NOL4: variants seen among roughly 807,000 people sequenced by gnomAD.
NOL4 encodes the protein cancer/testis antigen 125.
NOL4 carries 17 observed loss-of-function variants against 75.9 expected under a neutral mutation model. That is an observed-to-expected ratio of 0.22 (90% confidence interval 0.15 to 0.34). The LOEUF is 0.34. Among genes scored for constraint, NOL4 ranks in the 10% least tolerant of loss-of-function variants. NOL4 has a pLI of 1.00. For synonymous variants in NOL4, 292 were observed against 289.9 expected (o/e 1.01, Z -0.07); for missense variants, 614 against 793.5 (o/e 0.77, Z 2.72).
intron 5 of NOL4, among the ~76,000 whole-genome samples, chr18:34,067,356 A>C (rs1414704899): frequency 2.6e-5 from 4 of 152,180 alleles, no homozygotes; most frequent in African/African-American, 9.6e-5. Flanking sequence ...ACAGGACTTT[A>C]AATTTTACAC....
chr18:33,887,711 T>A (rs1465662109), intron 9 of NOL4, among the ~76,000 whole-genome samples: 1 of 152,098 alleles, frequency 6.6e-6, no homozygotes, highest in African/African-American at 2.4e-5. Context: ...AGAATGATGG[T>A]TTCCAGCTTC....
intron 1 of NOL4, among the ~76,000 whole-genome samples, chr18:34,215,725 C>A (rs143940411): frequency 6.6e-6 from 1 of 152,046 alleles, no homozygotes; most frequent in African/African-American, 2.4e-5. Context: ...AATAGAAAAT[C>A]GAAAATACAG....
chr18:33,989,057 C>T (rs1160355890), intron 6 of NOL4, among the ~76,000 whole-genome samples: 3 of 151,348 alleles, frequency 2.0e-5, no homozygotes, highest in Non-Finnish European at 4.4e-5. Context: ...TATAGTGGTG[C>T]ACACCTGTAG....
intron 1 of NOL4, among the ~76,000 whole-genome samples, chr18:34,170,829 T>C (rs2032961432): frequency 6.6e-6 from 1 of 152,200 alleles, no homozygotes; most frequent in South Asian, 2.1e-4. Context: ...CTAAGAACTA[T>C]GCTTCAAGCT....
chr18:33,988,765 C>T (rs2072682811), intron 6 of NOL4, among the ~76,000 whole-genome samples: 1 of 151,242 alleles, frequency 6.6e-6, no homozygotes, highest in African/African-American at 2.4e-5. Flanking sequence ...ATGGTATATA[C>T]ACTGTATATA....
intron 1 of NOL4, among the ~76,000 whole-genome samples, chr18:34,168,015 T>C (rs2032598781): frequency 6.6e-6 from 1 of 152,084 alleles, no homozygotes; most frequent in South Asian, 2.1e-4. Flanking sequence ...TCTGTTTTAT[T>C]TTATAAATCT....
chr18:34,077,823 T>G (rs938001015), intron 5 of NOL4, among the ~76,000 whole-genome samples: 4 of 152,180 alleles, frequency 2.6e-5, no homozygotes, highest in Non-Finnish European at 5.9e-5. Flanking sequence ...TCTCCATTAC[T>G]GCTTTCTGTG....
At chr18:34,018,014 G>A (rs1446643376) in intron 6 of NOL4, among the ~76,000 whole-genome samples, 3 of 151,996 alleles carry the variant, frequency 2.0e-5, no homozygotes, top group African/African-American at 7.3e-5. Context: ...AATAAGCATC[G>A]TTCCCAGAGT....
In NOL4 at chr18:33,972,145, T is replaced by C. The variant is rs527499597; in HGVS notation, c.1057-13727A>G. ...TGCCACTGCACTTCAGCATGGGAGATAGAGTGAGACTCTGTCTCAAAAAAA... is the reference window on the plus strand; with the variant it reads ...TGCCACTGCACTTCAGCATGGGAGACAGAGTGAGACTCTGTCTCAAAAAAA... On this transcript the variant is annotated intron_variant, in intron 6 of 10. Coordinates refer to ENST00000261592, the MANE Select transcript of NOL4 (RefSeq NM_003787.5). Among the ~76,000 whole-genome samples the C allele has an allele frequency of 1.5e-4, 22 of 148,616 alleles. No individual in the cohort carries two copies. In the East Asian group the frequency reaches 2.2e-3, roughly 15 times the overall value.
intron 1 of NOL4, among the ~76,000 whole-genome samples, chr18:34,212,237 AT>A (rs1475299800): frequency 1.3e-5 from 2 of 152,174 alleles, no homozygotes; most frequent in Non-Finnish European, 2.9e-5. Context: ...CATATTCCTA[AT>A]GACAGTCATT....
At chr18:33,939,416 T>C (rs1267514152) in intron 9 of NOL4, among the ~76,000 whole-genome samples, 1 of 152,116 alleles carries the variant, frequency 6.6e-6, no homozygotes, top group Non-Finnish European at 1.5e-5. Flanking sequence ...GCAAGGAATG[T>C]TTTTCCATTT....
At chr18:34,037,240 C>T (rs1370920114) in intron 5 of NOL4, among the ~76,000 whole-genome samples, 1 of 152,044 alleles carries the variant, frequency 6.6e-6, no homozygotes, top group African/African-American at 2.4e-5. Flanking sequence ...ACAAGGAAAA[C>T]TGCAAAACAC....
At chr18:34,054,138 A>G (rs901921072) in intron 5 of NOL4, among the ~76,000 whole-genome samples, 2 of 151,986 alleles carry the variant, frequency 1.3e-5, no homozygotes, top group Non-Finnish European at 2.9e-5. Flanking sequence ...CCCTAACATG[A>G]GGTCTATTCT....
chr18:34,119,777 A>G (rs544095555), intron 2 of NOL4, among the ~76,000 whole-genome samples: 1 of 151,804 alleles, frequency 6.6e-6, no homozygotes, highest in Non-Finnish European at 1.5e-5. Flanking sequence ...GCCCGCCACC[A>G]CGCCTGGCTA....
At chr18:33,936,742 G>A (rs778755991) in intron 9 of NOL4, among the ~76,000 whole-genome samples, 1 of 152,024 alleles carries the variant, frequency 6.6e-6, no homozygotes, top group South Asian at 2.1e-4. Flanking sequence ...ACTAAGAGCA[G>A]AAAACATAAC....
intron 6 of NOL4, among the ~76,000 whole-genome samples, chr18:33,978,895 G>A (rs938612395): frequency 1.3e-5 from 2 of 151,908 alleles, no homozygotes; most frequent in African/African-American, 4.8e-5. Context: ...ATCCATTGAT[G>A]TAGAACATGT....
At chr18:34,094,074 A>G (rs1334039822) in intron 4 of NOL4, among the ~76,000 whole-genome samples, 1 of 152,130 alleles carries the variant, frequency 6.6e-6, no homozygotes, top group Non-Finnish European at 1.5e-5. Flanking sequence ...CAAAAAAACA[A>G]TGGAATAATT....
intron 1 of NOL4, among the ~76,000 whole-genome samples, chr18:34,198,717 A>C (rs1156419133): frequency 2.0e-5 from 3 of 151,830 alleles, no homozygotes; most frequent in East Asian, 3.9e-4. Context: ...TAAATCTTGT[A>C]CTTTTTTAGT....
At chr18:34,026,257 T>G (rs989492716) in intron 5 of NOL4, among the ~76,000 whole-genome samples, 1 of 152,172 alleles carries the variant, frequency 6.6e-6, no homozygotes, top group South Asian at 2.1e-4. Context: ...AAAGAGAGAA[T>G]GCCTGGTTAT....
Sources: gnomAD v4.1 joint callset for allele counts (sites outside exome capture counted in the v4.1 genomes callset) on GRCh38, gnomAD v4.1.1 for gene constraint, MANE v1.5 for transcripts, NCBI Gene and HGNC (gene_info 2026-07-23, HGNC 2026-07-21) for gene names.